RPS6KC1: variants seen among roughly 807,000 people sequenced by gnomAD.
The protein encoded by RPS6KC1 is inactive ribosomal protein S6 kinase delta-1.
A neutral mutation model predicts 103.8 loss-of-function variants in RPS6KC1; 54 were observed. That is an observed-to-expected ratio of 0.52 (90% CI 0.42 to 0.65). The LOEUF is 0.65. RPS6KC1 is among the 30% of genes least tolerant of loss of function. The pLI, the probability that RPS6KC1 is intolerant of heterozygous loss-of-function variation, is 0.00. For synonymous variants in RPS6KC1, 439 were observed against 438.7 expected, an observed-to-expected ratio of 1.00 and a Z score of -0.01; for missense variants, 1,151 against 1,253.8, an observed-to-expected ratio of 0.92 and a Z score of 1.24.
intron 5 of RPS6KC1, among the ~76,000 whole-genome samples, chr1:213,118,351 T>A (rs2148902807): frequency 6.6e-6 from 1 of 152,222 alleles, no homozygotes; most frequent in African/African-American, 2.4e-5. Flanking sequence ...GAGGGATTTT[T>A]AAAATCAAAA....
the RPS6KC1 span, among the ~76,000 whole-genome samples, chr1:213,512,442 G>C: frequency 6.6e-6 from 1 of 152,148 alleles, no homozygotes; most frequent in African/African-American, 2.4e-5. Flanking sequence ...CCCTTTCTGA[G>C]TGGCTGTAAT....
At chr1:213,528,652 C>G in the RPS6KC1 span, among the ~76,000 whole-genome samples, 1 of 152,174 alleles carries the variant, frequency 6.6e-6, no homozygotes, top group Non-Finnish European at 1.5e-5. Flanking sequence ...TCTTTTCATG[C>G]CTTAGTAGCA....
At chr1:213,637,303 A>AC in the RPS6KC1 span, among the ~76,000 whole-genome samples, 21,261 of 151,792 alleles carry the variant, frequency 0.14, 2,341 homozygotes, top group African/African-American at 0.31. Context: ...CTATAAAGAC[A>AC]ATGCACACGT....
the RPS6KC1 span, among the ~76,000 whole-genome samples, chr1:213,284,002 A>T: frequency 1.3e-5 from 2 of 152,198 alleles, no homozygotes. Context: ...GAGAAATAGG[A>T]ACAGAATAAT....
chr1:213,164,448 A>G (rs755950979), intron 6 of RPS6KC1, among the ~76,000 whole-genome samples: 7 of 152,248 alleles, frequency 4.6e-5, no homozygotes, highest in Admixed American at 6.5e-5. Flanking sequence ...TCAGAAATTG[A>G]GAAGGTGAAG....
chr1:213,259,389 G>T (rs543862260), intron 12 of RPS6KC1, among the ~76,000 whole-genome samples: 17 of 125,200 alleles, frequency 1.4e-4, no homozygotes, highest in Middle Eastern at 3.9e-3. Context: ...GTAAAACCCC[G>T]TGTCTACTAA....
chr1:213,287,650 C>T, the RPS6KC1 span, among the ~76,000 whole-genome samples: 2 of 152,048 alleles, frequency 1.3e-5, no homozygotes, highest in East Asian at 1.9e-4. Flanking sequence ...TTTTACAATC[C>T]GGTGGGATAC....
chr1:213,255,114 A>G lies in RPS6KC1; in HGVS notation c.2912-6444A>G, dbSNP rs562691296. On this transcript the variant is annotated intron_variant, in intron 12 of 14. Transcript: ENST00000366960. ...CTAGGAGTTTGAGACCAGCCTGAAC[A>G]ACATGGTGAAATCCTCTGTCTACAA... Among the ~76,000 whole-genome samples the G allele has an allele frequency of 4.6e-5, 7 of 152,236 alleles. No homozygotes were observed. The South Asian group carries it at 1.5e-3, about 32-fold the overall frequency.
At chr1:213,052,256 C>T (rs993498966) in intron 1 of RPS6KC1, among the ~76,000 whole-genome samples, 4 of 152,256 alleles carry the variant, frequency 2.6e-5, no homozygotes, top group South Asian at 2.1e-4. Flanking sequence ...ATGTATGTGA[C>T]GTATGTGTGC....
the RPS6KC1 span, among the ~76,000 whole-genome samples, chr1:213,545,067 A>G: frequency 3.3e-5 from 5 of 152,228 alleles, no homozygotes; most frequent in East Asian, 9.7e-4. Flanking sequence ...TCAGGGCTAT[A>G]AGAGAGAATC....
chr1:213,779,246 G>T, the RPS6KC1 span, among the ~76,000 whole-genome samples: 1 of 152,156 alleles, frequency 6.6e-6, no homozygotes. Flanking sequence ...GCCATAAGGA[G>T]GCATAGCAAC....
At chr1:213,602,104 CTTTCTTTCTTTCTTTCTCTT>C in the RPS6KC1 span, among the ~76,000 whole-genome samples, 2 of 29,726 alleles carry the variant, frequency 6.7e-5, no homozygotes, top group African/African-American at 3.2e-4. Context: ...TTCTTTCTTT[CTTTCTTTCTTTCTTTCTCTT>C]TCTTTCTTTC....
intron 6 of RPS6KC1, among the ~76,000 whole-genome samples, chr1:213,164,294 A>G (rs1355351556): frequency 6.6e-6 from 1 of 152,202 alleles, no homozygotes. Context: ...TTTCTTAGTG[A>G]CTGAAGTCAG....
the RPS6KC1 span, among the ~76,000 whole-genome samples, chr1:213,672,726 T>TCCAGAG: frequency 1.3e-5 from 2 of 152,184 alleles, no homozygotes; most frequent in African/African-American, 4.8e-5. Flanking sequence ...TTATTTTCGG[T>TCCAGAG]CCAGAGCTTT....
At chr1:213,219,434 T>C (rs970514523) in intron 8 of RPS6KC1, among the ~76,000 whole-genome samples, 21 of 152,216 alleles carry the variant, frequency 1.4e-4, no homozygotes, top group Non-Finnish European at 2.4e-4. Context: ...GTTCAACCAT[T>C]GTGGAAGTCA....
chr1:213,152,269 T>G (rs1288382771), intron 6 of RPS6KC1, among the ~76,000 whole-genome samples: 60 of 103,304 alleles, frequency 5.8e-4, no homozygotes, highest in South Asian at 1.4e-3. Flanking sequence ...GCGGCTGGCC[T>G]GGCGGGGGGC....
chr1:213,145,472 T>C (rs2087637681), intron 6 of RPS6KC1, among the ~76,000 whole-genome samples: 1 of 152,106 alleles, frequency 6.6e-6, no homozygotes. Flanking sequence ...TCTCCTGGAA[T>C]ATACACAGAG....
chr1:213,617,491 ATGTGCTGC>A, the RPS6KC1 span, among the ~76,000 whole-genome samples: 2 of 152,264 alleles, frequency 1.3e-5, no homozygotes, highest in Non-Finnish European at 2.9e-5. Flanking sequence ...TATGCTACCT[ATGTGCTGC>A]TGTATTGGGG....
At chr1:213,851,138 C>G in the RPS6KC1 span, among the ~76,000 whole-genome samples, 23 of 152,164 alleles carry the variant, frequency 1.5e-4, no homozygotes, top group Admixed American at 5.9e-4. Flanking sequence ...ACTGAGAAAA[C>G]CAAGGTGAGA....
Sources: allele counts gnomAD v4.1 joint callset (sites outside exome capture counted in the v4.1 genomes callset), GRCh38; gene constraint gnomAD v4.1.1; transcripts MANE v1.5; gene names NCBI Gene and HGNC (gene_info 2026-07-23, HGNC 2026-07-21).